DHX33: variants seen among roughly 807,000 people sequenced by gnomAD.
DHX33 encodes the protein ATP-dependent RNA helicase DHX33.
In DHX33, 42 loss-of-function variants were observed where a neutral mutation model predicts 72.5. That is an observed-to-expected ratio of 0.58 (90% CI 0.45 to 0.75). The LOEUF is 0.75. DHX33 is among the 30% of genes least tolerant of loss of function. The pLI, the probability that DHX33 is intolerant of heterozygous loss-of-function variation, is 0.00. For missense variants in DHX33, 842 were observed against 917.5 expected (o/e 0.92, Z 1.06); for synonymous variants, 358 against 366.1 (o/e 0.98, Z 0.25).
At chr17:5,455,956 G>A in intron 5 of DHX33, 41 bp downstream of exon 5, 2 of 1,582,566 alleles carry the variant, frequency 1.3e-6, no homozygotes, top group Non-Finnish European at 1.7e-6. Flanking sequence ...ATCCGTCTGG[G>A]TGCCCAGAAT....
At chr17:5,449,952 C>T (rs1360563356) in intron 10 of DHX33, among the ~76,000 whole-genome samples, 1 of 152,070 alleles carries the variant, frequency 6.6e-6, no homozygotes, top group Non-Finnish European at 1.5e-5. Flanking sequence ...AATCAAGTTC[C>T]AATTAAGTTT....
chr17:5,456,457 G>A (rs1184862459), intron 4 of DHX33, among the ~76,000 whole-genome samples: 1 of 152,038 alleles, frequency 6.6e-6, no homozygotes, highest in Non-Finnish European at 1.5e-5. Flanking sequence ...GACCAGCCTG[G>A]GCAACGCAGC....
Position 5,468,861 on chromosome 17 carries a change from T to TCGGGAGGGCACCGCGG in DHX33, c.-18_-3dup, listed in dbSNP as rs1905003821. On this transcript the variant is annotated 5_prime_UTR_variant, in exon 1 of 12. Coordinates refer to ENST00000225296, the MANE Select transcript of DHX33 (RefSeq NM_020162.4). ...CGGGAAGCCCGCCTCCTCCGGCATG[T>TCGGGAGGGCACCGCGG]CGGGAGGGCACCGCGGCGGGAGGCG... 1.3e-6 allele frequency: 2 copies of TCGGGAGGGCACCGCGG among 1,552,970 alleles called. No individual in the cohort carries two copies. The highest frequency in any genetic ancestry group is 3.9e-5 in the Admixed American group (2 of 51,142).
intron 8 of DHX33, among the ~76,000 whole-genome samples, chr17:5,451,958 C>T (rs1365988825): frequency 6.6e-6 from 1 of 152,036 alleles, no homozygotes; most frequent in Non-Finnish European, 1.5e-5. Context: ...CATAAACTTA[C>T]AAACAACAGG....
intron 11 of DHX33, among the ~76,000 whole-genome samples, chr17:5,446,121 T>C (rs1041620891): frequency 9.9e-5 from 15 of 152,144 alleles, no homozygotes; most frequent in Non-Finnish European, 7.3e-5. Context: ...GTTATAGGCA[T>C]GCACCACCAC....
chr17:5,468,921 A>T lies in DHX33; in HGVS notation c.-62T>A. On this transcript the variant is annotated 5_prime_UTR_variant, in exon 1 of 12. Coordinates refer to ENST00000225296, the MANE Select transcript of DHX33 (RefSeq NM_020162.4). ...AGAGCTCCTGCCCCCTCTCAGGTGC[A>T]GACAACAGGAGCACACCGCCCCTTC... The T allele has an allele frequency of 6.5e-7, 1 of 1,532,974 alleles. No individual in the cohort carries two copies. The highest frequency in any genetic ancestry group is 8.8e-7 in the Non-Finnish European group (1 of 1,135,448). 95.0% of individuals were successfully genotyped at this position (1,532,974 alleles called of 1,614,324 possible). A position where few individuals can be genotyped will look rare whatever the true frequency, so the allele number is the denominator to read the frequency against.
At position 5,463,293 on chromosome 17, in the gene DHX33, A is replaced by C. The variant is rs186364968; in HGVS notation, c.450+236T>G. Among the ~76,000 whole-genome samples the C allele has an allele frequency of 3.3e-5, 5 of 152,336 alleles. No homozygotes were observed. The East Asian group carries it at 9.6e-4, about 29-fold the overall frequency. ...GTTAAGAGAGGTTACTGAAGGCTTA[A>C]GATGTTCAAGGAAAGCAACTAATTT... On this transcript the variant is annotated intron_variant, in intron 2 of 11. Transcript: ENST00000225296.
chr17:5,459,578 C>A (rs1328282671), intron 4 of DHX33, among the ~76,000 whole-genome samples: 2 of 152,048 alleles, frequency 1.3e-5, no homozygotes, highest in Non-Finnish European at 2.9e-5. Flanking sequence ...TATAGGCATG[C>A]ACCACCACAC....
intron 4 of DHX33, among the ~76,000 whole-genome samples, chr17:5,458,126 C>A (rs1347441845): frequency 1.3e-5 from 2 of 152,034 alleles, no homozygotes; most frequent in Non-Finnish European, 2.9e-5. Flanking sequence ...CTACCCAGGA[C>A]GGCCAGGAGA....
chr17:5,459,911 C>T (rs576439214), intron 4 of DHX33, among the ~76,000 whole-genome samples: 153 of 146,976 alleles, frequency 1.0e-3, no homozygotes, highest in African/African-American at 4.1e-3. Flanking sequence ...CCTCCCAAAG[C>T]GTTGGGATTA....
chr17:5,459,569 A>G (rs533663529), intron 4 of DHX33, among the ~76,000 whole-genome samples: 1 of 152,174 alleles, frequency 6.6e-6, no homozygotes, highest in East Asian at 1.9e-4. Flanking sequence ...AGCTGGGACT[A>G]TAGGCATGCA....
At chr17:5,468,473 A>C in intron 1 of DHX33, 98 bp downstream of exon 1, 2 of 1,430,676 alleles carry the variant, frequency 1.4e-6, no homozygotes, top group Non-Finnish European at 1.9e-6. Context: ...GGTTTGTTGA[A>C]GCCACGAACG....
chr17:5,456,565 C>G (rs939703865), intron 4 of DHX33, among the ~76,000 whole-genome samples: 1 of 151,954 alleles, frequency 6.6e-6, no homozygotes, highest in Non-Finnish European at 1.5e-5. Context: ...CCAGCCTGGG[C>G]GACAGAACGA....
intron 8 of DHX33, among the ~76,000 whole-genome samples, chr17:5,451,357 G>C (rs552167047): frequency 3.3e-5 from 5 of 152,254 alleles, no homozygotes; most frequent in African/African-American, 1.2e-4. Context: ...TGCCCACCTT[G>C]ACCTCCCAAA....
At chr17:5,449,664 T>G (rs1291262817) in intron 10 of DHX33, among the ~76,000 whole-genome samples, 1 of 152,246 alleles carries the variant, frequency 6.6e-6, no homozygotes, top group Non-Finnish European at 1.5e-5. Flanking sequence ...CTGGAAGTCC[T>G]GGGCTCAAGT....
At chr17:5,460,899 T>G in intron 4 of DHX33, 40 bp downstream of exon 4, 1 of 1,584,620 alleles carries the variant, frequency 6.3e-7, no homozygotes. Flanking sequence ...AACTGCAAGA[T>G]AAAAGAGAAC....
chr17:5,454,148 G>GC lies in DHX33; in HGVS notation c.1148-169dup, dbSNP rs1254009369. 3.9e-5 allele frequency among the ~76,000 whole-genome samples: 6 copies of GC among 152,308 alleles called. No individual in the cohort carries two copies. In the East Asian group the frequency reaches 5.8e-4, roughly 15 times the overall value. On this transcript the variant is annotated intron_variant, in intron 6 of 11. Coordinates refer to ENST00000225296, the MANE Select transcript of DHX33 (RefSeq NM_020162.4). ...AACCAGACTGCTCCGCAGCGGTTTG[G>GC]CCCTAGTGAAACAAGGCTTTGCCAT...
At position 5,442,878 on chromosome 17, in the gene DHX33, T is replaced by C. The variant is rs979854764; in HGVS notation, c.*1327A>G. On this transcript the variant is annotated 3_prime_UTR_variant, in exon 12 of 12. Transcript: ENST00000225296. Reference sequence around the variant, plus strand: ...ATAGCTAAGAGGAACCGTTAGTGCCTTTTCTCTGCTCAGAATATCAGAACA... The same window carrying C: ...ATAGCTAAGAGGAACCGTTAGTGCCCTTTCTCTGCTCAGAATATCAGAACA... 2 of 152,210 alleles carry C rather than the reference T, an allele frequency of 1.3e-5. No individual in the cohort carries two copies. Among genetic ancestry groups the C allele is most frequent in the Non-Finnish European group, 2.9e-5 (2 of 68,040 alleles). The allele number at this position is 152,210 out of a possible 1,614,324, so 9.4% of individuals were successfully genotyped here. A position where few individuals can be genotyped will look rare whatever the true frequency, so the allele number is the denominator to read the frequency against.
chr17:5,455,392 A>G, intron 5 of DHX33, 121 bp from the exon 6 acceptor site: 1 of 797,678 alleles, frequency 1.3e-6, no homozygotes, highest in East Asian at 2.5e-5. Context: ...TGACTCCATT[A>G]TTAATGGCAG....
Sources: allele counts gnomAD v4.1 joint callset (sites outside exome capture counted in the v4.1 genomes callset), GRCh38; gene constraint gnomAD v4.1.1; transcripts MANE v1.5; gene names NCBI Gene and HGNC (gene_info 2026-07-23, HGNC 2026-07-21).